Variants in FAM53A observed in about 807,000 individuals in gnomAD.
FAM53A encodes family with sequence similarity 53 member A.
In FAM53A, 28 loss-of-function variants were observed where a neutral mutation model predicts 26.6. The observed-to-expected ratio is 1.05, with a 90% confidence interval of 0.78 to 1.45. The LOEUF (loss-of-function observed/expected upper bound fraction) is 1.45, where lower values mean the gene tolerates loss of function less well. FAM53A is among the 40% of genes most tolerant of loss of function. FAM53A has a pLI of 0.00. For missense variants in FAM53A, 650 were observed against 575.8 expected, an observed-to-expected ratio of 1.13 and a Z score of -1.32; for synonymous variants, 290 against 253.1, an observed-to-expected ratio of 1.15 and a Z score of -1.38.
chr4:1,636,916 G>C (rs909496009), downstream of FAM53A, among the ~76,000 whole-genome samples: 2 of 152,046 alleles, frequency 1.3e-5, no homozygotes, highest in Non-Finnish European at 2.9e-5. Context: ...GGCTGGAACA[G>C]CGAAGGTGCC....
At position 1,668,420 on chromosome 4, in the gene FAM53A, A is replaced by G. The variant is rs111720434; in HGVS notation, c.75+247T>C. ...CTCCCAAAGTGCTGGGATTACAGGC[A>G]TGAGCCACCACGCCCAGCTGGCATT... On this transcript the variant is annotated intron_variant, in intron 2 of 4. Transcript: ENST00000308132. 1.5e-3 allele frequency among the ~76,000 whole-genome samples: 232 copies of G among 152,286 alleles called. 2 individuals carry two copies. Among genetic ancestry groups the G allele is most frequent in the African/African-American group, 5.4e-3 (223 of 41,554 alleles).
Position 1,668,812 on chromosome 4 carries a change from C to G in FAM53A, c.-71G>C, listed in dbSNP as rs1306212118. The G allele has an allele frequency of 6.8e-7, 1 of 1,478,970 alleles. No homozygotes were observed. Among genetic ancestry groups the G allele is most frequent in the Non-Finnish European group, 9.4e-7 (1 of 1,062,182 alleles). The allele number at this position is 1,478,970 out of a possible 1,614,324, so 91.6% of individuals were successfully genotyped here. On this transcript the variant is annotated 5_prime_UTR_variant, in exon 2 of 5. Coordinates refer to ENST00000308132, the MANE Select transcript of FAM53A (RefSeq NM_001174070.3). ...CCTGGAACATCAGACTTGCGAAGGC[C>G]CCAGCATTGCTGGGTCAGCCAAATC...
intron 1 of FAM53A, among the ~76,000 whole-genome samples, chr4:1,675,652 A>T (rs1392425214): frequency 6.6e-6 from 1 of 152,154 alleles, no homozygotes; most frequent in Non-Finnish European, 1.5e-5. Flanking sequence ...CAAGGTCTGG[A>T]GGACCGCAGC....
chr4:1,681,668 T>C (rs1325692406), intron 1 of FAM53A, among the ~76,000 whole-genome samples: 1 of 151,944 alleles, frequency 6.6e-6, no homozygotes, highest in African/African-American at 2.4e-5. Flanking sequence ...AGCTCATTTT[T>C]TATTTTTATT....
the FAM53A span, among the ~76,000 whole-genome samples, chr4:1,578,356 C>T: frequency 1.3e-5 from 2 of 152,190 alleles, no homozygotes; most frequent in African/African-American, 4.8e-5. Context: ...CGTGCAAGTG[C>T]CAGGGGCGGG....
At chr4:1,629,895 A>G (rs925309086) in intron 1 of FAM53A, among the ~76,000 whole-genome samples, 20 of 151,182 alleles carry the variant, frequency 1.3e-4, no homozygotes, top group African/African-American at 4.8e-4. Context: ...CTCGCTGGGG[A>G]CAGCCTGGGC....
At chr4:1,597,259 C>T in the FAM53A span, among the ~76,000 whole-genome samples, 1 of 152,116 alleles carries the variant, frequency 6.6e-6, no homozygotes, top group African/African-American at 2.4e-5. Context: ...AGGGTCCCCT[C>T]ACTCCCCTGC....
the FAM53A span, among the ~76,000 whole-genome samples, chr4:1,606,364 G>A: frequency 6.6e-6 from 1 of 152,008 alleles, no homozygotes; most frequent in Non-Finnish European, 1.5e-5. Flanking sequence ...TCTTACTGGG[G>A]TCTATGTCAT....
intron 1 of FAM53A, among the ~76,000 whole-genome samples, chr4:1,625,090 G>A (rs1215303134): frequency 9.7e-6 from 1 of 103,500 alleles, no homozygotes; most frequent in Non-Finnish European, 1.8e-5. Flanking sequence ...GGTCACGCCA[G>A]GTGATCAGAA....
chr4:1,574,935 T>C, the FAM53A span, among the ~76,000 whole-genome samples: 2 of 152,046 alleles, frequency 1.3e-5, no homozygotes, highest in Admixed American at 6.5e-5. Flanking sequence ...ACACATGACA[T>C]TGAGGTTAAA....
At chr4:1,650,349 G>T (rs185147495) in intron 4 of FAM53A, among the ~76,000 whole-genome samples, 1 of 134,588 alleles carries the variant, frequency 7.4e-6, no homozygotes, top group African/African-American at 3.0e-5. Flanking sequence ...TGGCACAGGC[G>T]TGGTGTTTGA....
intron 3 of FAM53A, 112 bp from the exon 4 acceptor site, chr4:1,655,835 C>T (rs939919838): frequency 3.9e-6 from 5 of 1,282,794 alleles, no homozygotes; most frequent in African/African-American, 1.6e-5. Context: ...ACCCCATCGC[C>T]GCCACCCCTG....
the FAM53A span, among the ~76,000 whole-genome samples, chr4:1,606,292 G>T: frequency 6.6e-6 from 1 of 151,114 alleles, no homozygotes; most frequent in Admixed American, 6.6e-5. Flanking sequence ...TGATCCTCCC[G>T]CCTCGGCCTC....
intron 4 of FAM53A, among the ~76,000 whole-genome samples, chr4:1,653,158 C>G (rs1036145659): frequency 2.0e-5 from 3 of 152,114 alleles, no homozygotes; most frequent in African/African-American, 7.2e-5. Flanking sequence ...ACACACCACA[C>G]AGCATTTGAC....
chr4:1,655,724 C>A lies in FAM53A; in HGVS notation c.137-1G>T. The A allele has an allele frequency of 6.4e-7, 1 of 1,551,720 alleles. No homozygotes were observed. The highest frequency in any genetic ancestry group is 8.6e-7 in the Non-Finnish European group (1 of 1,157,142). ...CTGAAGACCTTCCAGGGACTCTGGT[C>A]TACAAAAAAAGACACAAAGAGGCAG... On this transcript the variant is annotated splice_acceptor_variant, in intron 3 of 4. Coordinates refer to ENST00000308132, the MANE Select transcript of FAM53A (RefSeq NM_001174070.3). LOFTEE classifies it high-confidence loss of function.
downstream of FAM53A, among the ~76,000 whole-genome samples, chr4:1,617,142 A>G (rs1249540349): frequency 2.6e-5 from 3 of 114,230 alleles, no homozygotes; most frequent in African/African-American, 7.1e-5. Flanking sequence ...GAAATTTTAA[A>G]AAAAAGTTTC....
At chr4:1,644,271 AC>A in intron 4 of FAM53A, 1 of 1,535,938 alleles carries the variant, frequency 6.5e-7, no homozygotes, top group Non-Finnish European at 8.7e-7. Flanking sequence ...GACTGCTCGG[AC>A]CCGACAGATG....
In FAM53A at chr4:1,655,054, C is replaced by T. The variant is rs922444594; in HGVS notation, c.806G>A (p.Arg269Lys). Residue 269 changes from arginine to lysine, a missense_variant, in exon 4 of 5, where the codon AGG (arginine) becomes AAG (lysine). Transcript: ENST00000308132. ...RSQPCVLSGK[R>K]SRRKRRREED... ...CTCACGCCTCCGTTTGCGCCGGCTC[C>T]TCTTCCCACTGAGCACGCAAGGCTG... 1 of 1,596,310 alleles carries T rather than the reference C, an allele frequency of 6.3e-7. No homozygotes were observed. Among genetic ancestry groups the T allele is most frequent in the East Asian group, 2.3e-5 (1 of 44,190 alleles).
At chr4:1,668,561 C>T (rs781259458) in intron 2 of FAM53A, 106 bp downstream of exon 2, 54 of 1,309,462 alleles carry the variant, frequency 4.1e-5, no homozygotes, top group Non-Finnish European at 5.7e-5. Flanking sequence ...CAGGGCCCCC[C>T]AGGCCCCTGA....
Sources: gnomAD v4.1 joint callset for allele counts (sites outside exome capture counted in the v4.1 genomes callset) on GRCh38, gnomAD v4.1.1 for gene constraint, MANE v1.5 for transcripts, NCBI Gene and HGNC (gene_info 2026-07-23, HGNC 2026-07-21) for gene names.